The following MAU2 variants were observed in gnomAD, a reference collection of about 807,000 sequenced individuals.
MAU2 encodes the protein MAU2 chromatid cohesion factor homolog.
A neutral mutation model predicts 89.1 loss-of-function variants in MAU2; 9 were observed. That is an observed-to-expected ratio of 0.10 (90% CI 0.06 to 0.18). The LOEUF is 0.18. MAU2 is among the 10% of genes least tolerant of loss of function. The pLI is 1.00. For missense variants in MAU2, 425 were observed against 803.5 expected (o/e 0.53, Z 5.69); for synonymous variants, 357 against 343.4 (o/e 1.04, Z -0.44).
In MAU2 at chr19:19,327,284, G is replaced by C. The variant is rs1395542415; in HGVS notation, c.276+6149G>C. ...TTACAGGTGCCTGCCACCATGCCAGGCTAATTTTTTCTACTTGTATTTATT... is the reference window on the plus strand; with the variant it reads ...TTACAGGTGCCTGCCACCATGCCAGCCTAATTTTTTCTACTTGTATTTATT... On this transcript the variant is annotated intron_variant, in intron 1 of 18. Transcript: ENST00000262815. Among the ~76,000 whole-genome samples, 5 of 151,278 alleles carry C rather than the reference G, an allele frequency of 3.3e-5. No individual in the cohort carries two copies. The East Asian group carries it at 9.7e-4, about 29-fold the overall frequency.
chr19:19,354,838 G>A (rs192851462), intron 17 of MAU2, among the ~76,000 whole-genome samples: 4 of 152,318 alleles, frequency 2.6e-5, no homozygotes, highest in Admixed American at 2.6e-4. Flanking sequence ...TGTTACCGCA[G>A]CTCCCCCATT....
Position 19,342,232 on chromosome 19 carries a change from C to T in MAU2, c.736-303C>T, listed in dbSNP as rs2061655347. The stretch of plus-strand genomic sequence containing the variant: ...CCCCCTGCCGTCTCAGGTCTGGCTG[C>T]GTGAAGACCAAGTGCAGCTCCAGCA... On this transcript the variant is annotated intron_variant, in intron 7 of 18. Coordinates refer to ENST00000262815, the MANE Select transcript of MAU2 (RefSeq NM_015329.4). 2.0e-5 allele frequency among the ~76,000 whole-genome samples: 3 copies of T among 152,174 alleles called. No individual in the cohort carries two copies. In the South Asian group the frequency reaches 6.2e-4, roughly 31 times the overall value.
At chr19:19,321,433 T>C in intron 1 of MAU2, 1 of 346,734 alleles carries the variant, frequency 2.9e-6, no homozygotes. Flanking sequence ...CCGCAAATCG[T>C]CTGGTTTTCA....
At chr19:19,354,660 C>A (rs112602700) in intron 17 of MAU2, 261 of 579,022 alleles carry the variant, frequency 4.5e-4, no homozygotes, top group African/African-American at 4.4e-3. Flanking sequence ...CTGGTTCAGT[C>A]TCTATAGGAC....
intron 1 of MAU2, chr19:19,321,712 G>C (rs1344474974): frequency 6.6e-6 from 1 of 152,210 alleles, no homozygotes. Context: ...ATAATGCCTG[G>C]TGTCGTACGA....
At chr19:19,334,164 C>G (rs2061578083) in intron 1 of MAU2, 1 of 985,282 alleles carries the variant, frequency 1.0e-6, no homozygotes, top group African/African-American at 1.7e-5. Flanking sequence ...TGCCACTGTC[C>G]CCACACACAG....
At chr19:19,352,929 G>A (rs1000487825) in intron 16 of MAU2, 3 of 152,374 alleles carry the variant, frequency 2.0e-5, no homozygotes, top group South Asian at 2.1e-4. Flanking sequence ...CCAGTCCTGT[G>A]AGGTCAGGCT....
intron 1 of MAU2, among the ~76,000 whole-genome samples, chr19:19,324,117 G>A (rs940797189): frequency 3.9e-5 from 6 of 152,202 alleles, no homozygotes; most frequent in African/African-American, 1.4e-4. Flanking sequence ...CAAATGATAA[G>A]CATATAGTAA....
At chr19:19,334,130 G>C (rs1169846785) in intron 1 of MAU2, 1 of 980,864 alleles carries the variant, frequency 1.0e-6, no homozygotes, top group Non-Finnish European at 1.2e-6. Flanking sequence ...CCCAACTTCT[G>C]CTCTTCTGTT....
intron 16 of MAU2, among the ~76,000 whole-genome samples, chr19:19,350,790 T>C (rs1055665633): frequency 2.0e-5 from 3 of 151,634 alleles, no homozygotes; most frequent in Non-Finnish European, 2.9e-5. Flanking sequence ...GTCCCAGCTA[T>C]TTGGGAGGCT....
At chr19:19,336,512 A>T (rs2061598145) in intron 3 of MAU2, among the ~76,000 whole-genome samples, 1 of 152,160 alleles carries the variant, frequency 6.6e-6, no homozygotes, top group African/African-American at 2.4e-5. Context: ...GCTGGCCTCA[A>T]GCAATCCTGC....
At chr19:19,337,867 G>A (rs548925380) in intron 4 of MAU2, among the ~76,000 whole-genome samples, 4 of 152,336 alleles carry the variant, frequency 2.6e-5, no homozygotes, top group East Asian at 1.9e-4. Context: ...CACAGTGCTC[G>A]GTTGTTGGGG....
In MAU2 at chr19:19,355,798, A is replaced by G. The variant is rs751537410; in HGVS notation, c.*16A>G. 2.5e-6 allele frequency: 4 copies of G among 1,602,916 alleles called. No individual in the cohort carries two copies. In the Admixed American group the frequency reaches 5.0e-5, roughly 20 times the overall value. On this transcript the variant is annotated 3_prime_UTR_variant, in exon 19 of 19. Transcript: ENST00000262815. ...CCTCCTGTGAGGCCTTGATGGGGCC[A>G]TCCAGCTCCGCAGGGCCTGCGCGTC...
At position 19,320,901 on chromosome 19, in the gene MAU2, C is replaced by G; in HGVS notation, c.42C>G (p.Ala14=). The G allele has an allele frequency of 6.5e-7, 1 of 1,543,794 alleles. No individual in the cohort carries two copies. The highest frequency in any genetic ancestry group is 8.7e-7 in the Non-Finnish European group (1 of 1,146,922). ...CGGCAGCGGCCCAGGCGGCGGCGGCCCAGGCTGCGCAGGCCGAGGCGGCCG... is the reference window on the plus strand; with the variant it reads ...CGGCAGCGGCCCAGGCGGCGGCGGCGCAGGCTGCGCAGGCCGAGGCGGCCG... ...QAAAAAQAAA[A]QAAQAEAADS... The change falls in exon 1 of 19, where the codon GCC becomes GCG. Residue 14 remains alanine, a synonymous_variant. Coordinates refer to ENST00000262815, the MANE Select transcript of MAU2 (RefSeq NM_015329.4).
intron 17 of MAU2, 145 bp from the exon 18 acceptor site, chr19:19,355,119 A>G (rs923732313): frequency 7.7e-6 from 8 of 1,045,364 alleles, no homozygotes; most frequent in African/African-American, 1.6e-5. Flanking sequence ...ATCCCAAGAC[A>G]GGGCTCAGGT....
intron 12 of MAU2, among the ~76,000 whole-genome samples, chr19:19,346,284 CCCT>C (rs1392719068): frequency 1.3e-5 from 2 of 152,152 alleles, no homozygotes; most frequent in Non-Finnish European, 2.9e-5. Flanking sequence ...AGGGCCAGGA[CCCT>C]CCTCGTGGCC....
chr19:19,351,285 C>T (rs2061741817), intron 16 of MAU2, among the ~76,000 whole-genome samples: 3 of 151,584 alleles, frequency 2.0e-5, no homozygotes, highest in South Asian at 4.2e-4. Context: ...TGAGCTCAAG[C>T]GATCCACCCA....
At chr19:19,346,116 C>T (rs10413309) in intron 12 of MAU2, among the ~76,000 whole-genome samples, 5,051 of 152,102 alleles carry the variant, frequency 0.033, 300 homozygotes, top group African/African-American at 0.12. Flanking sequence ...CACGGCACCC[C>T]GCAGGCCTGT....
intron 1 of MAU2, among the ~76,000 whole-genome samples, chr19:19,328,689 G>A (rs1297396688): frequency 1.3e-5 from 2 of 152,140 alleles, no homozygotes. Flanking sequence ...CCAAAGTGCT[G>A]GGATTACAGG....
Sources: gnomAD v4.1 joint callset for allele counts (sites outside exome capture counted in the v4.1 genomes callset) on GRCh38, gnomAD v4.1.1 for gene constraint, MANE v1.5 for transcripts, NCBI Gene and HGNC (gene_info 2026-07-23, HGNC 2026-07-21) for gene names.